LRP1B: variants seen among roughly 807,000 people sequenced by gnomAD.
The protein encoded by LRP1B is LDL receptor related protein 1B.
LRP1B carries 217 observed loss-of-function variants against 556.6 expected under a neutral mutation model. That is an observed-to-expected ratio of 0.39 (90% CI 0.35 to 0.44). The LOEUF is 0.44. LRP1B is among the 20% of genes least tolerant of loss of function. The probability of loss-of-function intolerance (pLI) is 1.00; values close to 1 mark genes in which losing one functional copy is unlikely to be tolerated. For missense variants in LRP1B, 5,053 were observed against 5,620.8 expected (o/e 0.90, Z 3.23); for synonymous variants, 2,047 against 1,865.8 (o/e 1.10, Z -2.50).
At chr2:140,359,820 T>A (rs1282431863) in intron 72 of LRP1B, among the ~76,000 whole-genome samples, 1 of 151,584 alleles carries the variant, frequency 6.6e-6, no homozygotes, top group African/African-American at 2.4e-5. Context: ...CTCTTTATCA[T>A]CTCGTCTTAC....
At chr2:140,745,324 C>T (rs953394304) in intron 35 of LRP1B, among the ~76,000 whole-genome samples, 2 of 151,904 alleles carry the variant, frequency 1.3e-5, no homozygotes, top group South Asian at 2.1e-4. Flanking sequence ...TATATAAGTC[C>T]GATTGGTCAA....
intron 41 of LRP1B, among the ~76,000 whole-genome samples, chr2:140,622,284 A>G (rs961253950): frequency 4.6e-5 from 7 of 152,256 alleles, no homozygotes; most frequent in African/African-American, 1.4e-4. Flanking sequence ...TTGAAACAAA[A>G]TGAATACCAT....
intron 23 of LRP1B, among the ~76,000 whole-genome samples, chr2:140,889,390 G>A (rs1229621946): frequency 6.6e-6 from 1 of 152,152 alleles, no homozygotes; most frequent in Non-Finnish European, 1.5e-5. Context: ...CTGCCTCCCA[G>A]CCTTAAGAAA....
chr2:141,674,286 A>G (rs1442258167), intron 2 of LRP1B, among the ~76,000 whole-genome samples: 1 of 152,058 alleles, frequency 6.6e-6, no homozygotes, highest in Non-Finnish European at 1.5e-5. Context: ...TTTCTAAAGC[A>G]TTAAATATAT....
intron 1 of LRP1B, among the ~76,000 whole-genome samples, chr2:141,846,254 A>G (rs1697640675): frequency 6.6e-6 from 1 of 151,740 alleles, no homozygotes; most frequent in South Asian, 2.1e-4. Flanking sequence ...AGAATAACCA[A>G]GTAGGCATTA....
At chr2:141,798,414 A>T (rs185164904) in intron 2 of LRP1B, among the ~76,000 whole-genome samples, 8 of 152,150 alleles carry the variant, frequency 5.3e-5, no homozygotes, top group Admixed American at 3.3e-4. Context: ...ACGTCTTAGA[A>T]TATATTTTAA....
chr2:141,051,978 T>G (rs1258819623), intron 10 of LRP1B, among the ~76,000 whole-genome samples: 1 of 151,906 alleles, frequency 6.6e-6, no homozygotes, highest in African/African-American at 2.4e-5. Context: ...TTGTTTAATT[T>G]TAGAATCAAG....
chr2:140,565,876 A>G (rs2105090744), intron 43 of LRP1B, among the ~76,000 whole-genome samples: 1 of 152,226 alleles, frequency 6.6e-6, no homozygotes, highest in South Asian at 2.1e-4. Flanking sequence ...AAAGGATCCC[A>G]GTAGCTCCCA....
At chr2:141,954,794 GTC>G (rs1345018576) in intron 1 of LRP1B, among the ~76,000 whole-genome samples, 3 of 152,006 alleles carry the variant, frequency 2.0e-5, no homozygotes, top group Non-Finnish European at 4.4e-5. Context: ...GAGCCTCTGA[GTC>G]TCTCAGCTAC....
At chr2:140,989,758 T>C in intron 16 of LRP1B, 101 bp from the exon 17 acceptor site, 1 of 1,120,626 alleles carries the variant, frequency 8.9e-7, no homozygotes, top group South Asian at 1.4e-5. Context: ...AATATTATAG[T>C]ACAATAAATG....
chr2:141,859,002 A>G (rs958567739), intron 1 of LRP1B, among the ~76,000 whole-genome samples: 2 of 152,188 alleles, frequency 1.3e-5, no homozygotes, highest in African/African-American at 4.8e-5. Flanking sequence ...TAGCAAGGCC[A>G]TCAGTCATTT....
At chr2:140,334,413 T>C (rs1680966761) in intron 79 of LRP1B, 40 bp downstream of exon 79, 1 of 1,236,422 alleles carries the variant, frequency 8.1e-7, no homozygotes, top group Non-Finnish European at 1.2e-6. Context: ...AATATACTTG[T>C]CATTCTGCTT....
chr2:141,914,795 T>A (rs1699988847), intron 1 of LRP1B, among the ~76,000 whole-genome samples: 2 of 152,024 alleles, frequency 1.3e-5, no homozygotes, highest in African/African-American at 2.4e-5. Flanking sequence ...TCTAACCAAG[T>A]AAGTGAAGAT....
At chr2:140,408,646 ATTGAG>A (rs1406703430) in intron 66 of LRP1B, among the ~76,000 whole-genome samples, 1 of 151,992 alleles carries the variant, frequency 6.6e-6, no homozygotes, top group Non-Finnish European at 1.5e-5. Flanking sequence ...AGACTGAGGG[ATTGAG>A]TTACACTACT....
At chr2:140,870,272 A>G (rs1693087322) in intron 25 of LRP1B, among the ~76,000 whole-genome samples, 1 of 152,038 alleles carries the variant, frequency 6.6e-6, no homozygotes, top group Non-Finnish European at 1.5e-5. Flanking sequence ...TCTGCCCTTC[A>G]CCTTTCTGGA....
At position 141,295,800 on chromosome 2, in the gene LRP1B, G is replaced by A. The variant is rs1263111206; in HGVS notation, c.344-41159C>T. ...ACACACACACACACACATAACAGTG[G>A]GGCATCTAGCCTCTAATTCTTGCCA... On this transcript the variant is annotated intron_variant, in intron 3 of 90. Transcript: ENST00000389484. Among the ~76,000 whole-genome samples the A allele has an allele frequency of 1.4e-4, 8 of 59,020 alleles. No individual in the cohort carries two copies. In the South Asian group the frequency reaches 3.4e-3, roughly 25 times the overall value. The allele number at this position is 59,020 out of a possible 152,430, so 38.7% of individuals were successfully genotyped here.
chr2:140,907,386 A>C (rs1470501080), intron 22 of LRP1B, among the ~76,000 whole-genome samples: 1 of 152,110 alleles, frequency 6.6e-6, no homozygotes, highest in East Asian at 1.9e-4. Flanking sequence ...TGAGGACTAA[A>C]AATTTGAAGG....
At chr2:140,417,659 A>G (rs1054134571) in intron 66 of LRP1B, among the ~76,000 whole-genome samples, 4 of 152,184 alleles carry the variant, frequency 2.6e-5, no homozygotes, top group African/African-American at 9.6e-5. Flanking sequence ...ACATGCACAG[A>G]TGGAGTGGCT....
intron 41 of LRP1B, among the ~76,000 whole-genome samples, chr2:140,644,805 G>A (rs147596038): frequency 1.2e-4 from 19 of 152,206 alleles, no homozygotes; most frequent in Admixed American, 2.0e-4. Context: ...AAATGGGTGC[G>A]TGAGTATTTA....
Sources: gnomAD v4.1 joint callset for allele counts (sites outside exome capture counted in the v4.1 genomes callset) on GRCh38, gnomAD v4.1.1 for gene constraint, MANE v1.5 for transcripts, NCBI Gene and HGNC (gene_info 2026-07-23, HGNC 2026-07-21) for gene names.